The following ADHFE1 variants were observed in gnomAD, a reference collection of about 807,000 sequenced individuals.
ADHFE1 encodes the protein hydroxyacid-oxoacid transhydrogenase, mitochondrial.
In ADHFE1, 37 loss-of-function variants were observed where a neutral mutation model predicts 54.8. The ratio of observed to expected loss-of-function variants is 0.68; its 90% CI spans 0.52 to 0.89. The LOEUF (loss-of-function observed/expected upper bound fraction) is 0.89. Among genes scored for constraint, ADHFE1 ranks in the 40% least tolerant of loss-of-function variants. ADHFE1 has a pLI of 0.00. For synonymous variants in ADHFE1, 203 were observed against 229.3 expected (o/e 0.89, Z 1.04); for missense variants, 601 against 591.2 (o/e 1.02, Z -0.17).
chr8:66,445,437 T>C, intron 6 of ADHFE1, 23 bp downstream of exon 6: 1 of 1,576,268 alleles, frequency 6.3e-7, no homozygotes, highest in Non-Finnish European at 8.6e-7. Context: ...TATTTCTTTG[T>C]TTGTTTTATT....
At chr8:66,462,735 C>T (rs879674952) in intron 13 of ADHFE1, among the ~76,000 whole-genome samples, 14 of 152,176 alleles carry the variant, frequency 9.2e-5, no homozygotes, top group African/African-American at 1.2e-4. Flanking sequence ...ATACCCTTGG[C>T]GATTTGATTG....
chr8:66,463,261 C>T (rs185114738), intron 13 of ADHFE1, among the ~76,000 whole-genome samples: 2 of 152,304 alleles, frequency 1.3e-5, no homozygotes, highest in East Asian at 3.9e-4. Context: ...ACATGCAATA[C>T]TGGGAAATCA....
At chr8:66,465,186 C>G (rs562908009) in intron 13 of ADHFE1, among the ~76,000 whole-genome samples, 2 of 152,248 alleles carry the variant, frequency 1.3e-5, no homozygotes, top group Non-Finnish European at 2.9e-5. Context: ...TATTGGTGTA[C>G]AAGTATCTAT....
At chr8:66,437,597 G>C (rs1191204782) in intron 1 of ADHFE1, among the ~76,000 whole-genome samples, 1 of 148,936 alleles carries the variant, frequency 6.7e-6, no homozygotes, top group Non-Finnish European at 1.5e-5. Context: ...GAGAAGAGAG[G>C]GTCAGGGGAA....
chr8:66,441,391 G>A (rs551820679), intron 2 of ADHFE1, among the ~76,000 whole-genome samples: 24 of 152,146 alleles, frequency 1.6e-4, no homozygotes, highest in Middle Eastern at 3.4e-3. Flanking sequence ...CCCCTGCACC[G>A]GGACAGATTA....
rs1466038602 is a variant in ADHFE1 at position 66,447,269 on chromosome 8, A to G, written c.556A>G (p.Thr186Ala). 2.5e-6 allele frequency: 4 copies of G among 1,612,858 alleles called. No homozygotes were observed. The highest frequency in any genetic ancestry group is 1.3e-5 in the African/African-American group (1 of 74,880). ...TTAATATTATTTTGTTCAAGTGCCA[A>G]CTACCTCAGGAACCGGGAGTGAAAC... ...VPLKPLIAVPTTSGTGSETTG... is the reference protein window; with the variant it reads ...VPLKPLIAVPATSGTGSETTG... The change falls in exon 7 of 14, where the codon ACT (threonine) becomes GCT (alanine). Residue 186 changes from threonine (T) to alanine (A), a missense_variant. Coordinates refer to ENST00000396623, the MANE Select transcript of ADHFE1 (RefSeq NM_144650.3).
intron 3 of ADHFE1, among the ~76,000 whole-genome samples, chr8:66,443,838 A>T (rs993812597): frequency 8.5e-5 from 13 of 152,218 alleles, no homozygotes; most frequent in Non-Finnish European, 1.6e-4. Context: ...AAAAAAAAGA[A>T]ATTTAAACAT....
chr8:66,467,051 G>A (rs894949617), intron 13 of ADHFE1, among the ~76,000 whole-genome samples: 3 of 152,172 alleles, frequency 2.0e-5, no homozygotes, highest in African/African-American at 4.8e-5. Flanking sequence ...TGGCTGCTGT[G>A]GGGAGAATGA....
At chr8:66,443,130 C>A (rs1048381653) in intron 3 of ADHFE1, among the ~76,000 whole-genome samples, 3 of 152,014 alleles carry the variant, frequency 2.0e-5, no homozygotes, top group South Asian at 2.1e-4. Context: ...TGTGTTAAAT[C>A]TTTAGTTTTT....
chr8:66,452,941 C>T lies in ADHFE1; in HGVS notation c.887+836C>T, dbSNP rs552927908. 7.9e-5 allele frequency among the ~76,000 whole-genome samples: 12 copies of T among 152,344 alleles called. No homozygotes were observed. In the East Asian group the frequency reaches 9.6e-4, roughly 12 times the overall value. On this transcript the variant is annotated intron_variant, in intron 9 of 13. Transcript: ENST00000396623. Reference sequence around the variant, plus strand: ...CGGCCACAGGTAGGCTAGGCCTAGACGTGAGCACGGTGCTTCCTCTGGCCT... The same window carrying T: ...CGGCCACAGGTAGGCTAGGCCTAGATGTGAGCACGGTGCTTCCTCTGGCCT...
intron 4 of ADHFE1, 76 bp from the exon 5 acceptor site, chr8:66,444,518 T>C (rs1805928267): frequency 6.2e-7 from 1 of 1,607,728 alleles, no homozygotes; most frequent in Non-Finnish European, 8.5e-7. Context: ...TTTTTAAAAA[T>C]GTACAACGTG....
intron 1 of ADHFE1, among the ~76,000 whole-genome samples, chr8:66,435,270 A>G (rs1194781021): frequency 6.6e-5 from 10 of 152,332 alleles, no homozygotes; most frequent in Middle Eastern, 3.4e-3. Flanking sequence ...GGCTTAACAC[A>G]CATTTGTCTT....
intron 1 of ADHFE1, among the ~76,000 whole-genome samples, chr8:66,435,219 A>C (rs1002574654): frequency 1.3e-5 from 2 of 152,200 alleles, no homozygotes; most frequent in African/African-American, 2.4e-5. Flanking sequence ...TCACTATGTT[A>C]GTTTCCTACA....
chr8:66,441,266 A>G (rs1805730522), intron 2 of ADHFE1, among the ~76,000 whole-genome samples: 1 of 152,190 alleles, frequency 6.6e-6, no homozygotes, highest in South Asian at 2.1e-4. Flanking sequence ...AGACAGGGTC[A>G]CCCTCTGTCA....
In ADHFE1 at chr8:66,448,854, TTA is replaced by T. The variant is rs1382939427; in HGVS notation, c.629-9_629-8del. On this transcript the variant is annotated splice_polypyrimidine_tract_variant and intron_variant, in intron 7 of 13. Transcript: ENST00000396623. ...TGGCTTTAGCCTCTACTGAAAATCC[TTA>T]TGTTTTAGGCATCACTTCGAGAGCC... 1.2e-5 allele frequency: 20 copies of T among 1,611,872 alleles called. No homozygotes were observed. Among genetic ancestry groups the T allele is most frequent in the Non-Finnish European group, 1.7e-5 (20 of 1,178,510 alleles).
At position 66,439,495 on chromosome 8, in the gene ADHFE1, A is replaced by C; in HGVS notation, c.60-667A>C. ...GGAGGACGTGGGAAATCTGTAGAGA[A>C]GTCGACCGAGAAGTGAGATGCGGTG... On this transcript the variant is annotated intron_variant, in intron 1 of 13. Coordinates refer to ENST00000396623, the MANE Select transcript of ADHFE1 (RefSeq NM_144650.3). This position sits in a 1 kb window ranked among gnomAD's most constrained non-coding sequence, Gnocchi z 4.4. 1.0e-6 allele frequency: 1 copy of C among 985,882 alleles called. No individual in the cohort carries two copies. Among genetic ancestry groups the C allele is most frequent in the Non-Finnish European group, 1.2e-6 (1 of 830,184 alleles). 61.1% of individuals were successfully genotyped at this position (985,882 alleles called of 1,614,324 possible).
Position 66,457,541 on chromosome 8 carries a change from T to C in ADHFE1, c.1162+375T>C, listed in dbSNP as rs150280311. Among the ~76,000 whole-genome samples, 186 of 151,456 alleles carry C rather than the reference T, an allele frequency of 1.2e-3. 1 individual carries two copies. Among genetic ancestry groups the C allele is most frequent in the Non-Finnish European group, 1.9e-3 (127 of 67,902 alleles). On this transcript the variant is annotated intron_variant, in intron 12 of 13. Transcript: ENST00000396623. ...AAAATATTGCTTTGCGATAGCTTAATAATGAAATGTCAGGCTGGGCACAGT... is the reference window on the plus strand; with the variant it reads ...AAAATATTGCTTTGCGATAGCTTAACAATGAAATGTCAGGCTGGGCACAGT...
At chr8:66,451,137 T>C (rs568920937) in intron 8 of ADHFE1, among the ~76,000 whole-genome samples, 1 of 152,312 alleles carries the variant, frequency 6.6e-6, no homozygotes, top group South Asian at 2.1e-4. Flanking sequence ...ATGTAGACGG[T>C]GATGTCTGTT....
intron 2 of ADHFE1, among the ~76,000 whole-genome samples, chr8:66,442,372 G>A (rs921022092): frequency 1.6e-4 from 24 of 147,730 alleles, no homozygotes; most frequent in East Asian, 1.0e-3. Flanking sequence ...GTGCAGTGGC[G>A]CGATCTCGGC....
Sources: gnomAD v4.1 joint callset for allele counts (sites outside exome capture counted in the v4.1 genomes callset) on GRCh38, gnomAD v4.1.1 for gene constraint, Gnocchi (gnomAD v3.1) non-coding constraint, MANE v1.5 for transcripts, NCBI Gene and HGNC (gene_info 2026-07-23, HGNC 2026-07-21) for gene names.